PTK2: variants seen among roughly 807,000 people sequenced by gnomAD.
PTK2 encodes the protein protein tyrosine kinase 2.
Under a neutral mutation model 150.1 loss-of-function variants are expected in PTK2, and 45 were observed. The ratio of observed to expected loss-of-function variants is 0.30; its 90% CI spans 0.24 to 0.38. PTK2 has a LOEUF of 0.38. Among genes scored for constraint, PTK2 ranks in the 10% least tolerant of loss-of-function variants. The pLI is 1.00. For missense variants in PTK2, 919 were observed against 1,307.3 expected (o/e 0.70, Z 4.58); for synonymous variants, 432 against 449.2 (o/e 0.96, Z 0.48).
At chr8:140,823,608 C>T (rs1764736388) in intron 8 of PTK2, among the ~76,000 whole-genome samples, 1 of 152,116 alleles carries the variant, frequency 6.6e-6, no homozygotes, top group Admixed American at 6.5e-5. Context: ...CCGACTGGAC[C>T]CTAACATATA....
chr8:140,745,200 G>A (rs552485706), intron 18 of PTK2, among the ~76,000 whole-genome samples: 9 of 152,266 alleles, frequency 5.9e-5, no homozygotes, highest in African/African-American at 1.2e-4. Context: ...AATGTAATGC[G>A]GAGAAAGCAG....
chr8:140,734,476 C>T (rs1199729878), intron 22 of PTK2, among the ~76,000 whole-genome samples: 3 of 152,118 alleles, frequency 2.0e-5, no homozygotes, highest in South Asian at 2.1e-4. Flanking sequence ...CAATGATGCC[C>T]GTCAAGAGCT....
chr8:140,802,924 T>G (rs1165126507), intron 11 of PTK2, among the ~76,000 whole-genome samples: 1 of 151,722 alleles, frequency 6.6e-6, no homozygotes, highest in Non-Finnish European at 1.5e-5. Context: ...TAGGCATTTC[T>G]CTGAACGTAC....
At chr8:140,834,706 G>A (rs2100117649) in intron 7 of PTK2, among the ~76,000 whole-genome samples, 1 of 152,110 alleles carries the variant, frequency 6.6e-6, no homozygotes, top group Non-Finnish European at 1.5e-5. Flanking sequence ...AGTGTGAAAG[G>A]TACTATAAGA....
In PTK2 at chr8:140,913,345, G is replaced by C. The variant is rs192514431; in HGVS notation, c.-33+12316C>G. ...GAGTCTCACTCTGTTGCCCAGGCTG[G>C]AGTGCAATGGTGCAATCTTTGCTCA... On this transcript the variant is annotated intron_variant, in intron 2 of 31. Coordinates refer to ENST00000522684, the Ensembl canonical transcript of PTK2. Among the ~76,000 whole-genome samples, 877 of 150,530 alleles carry C rather than the reference G, an allele frequency of 5.8e-3. 13 individuals are homozygous for C. The highest frequency in any genetic ancestry group is 0.02 in the African/African-American group (801 of 40,744).
intron 2 of PTK2, among the ~76,000 whole-genome samples, chr8:140,908,552 G>GC (rs2100161861): frequency 6.6e-6 from 1 of 152,210 alleles, no homozygotes; most frequent in Non-Finnish European, 1.5e-5. Context: ...CAGAGGACAG[G>GC]CTGTCTCTCA....
intron 1 of PTK2, among the ~76,000 whole-genome samples, chr8:140,953,342 A>G (rs1004970575): frequency 6.6e-6 from 1 of 152,230 alleles, no homozygotes; most frequent in Non-Finnish European, 1.5e-5. Context: ...TAGAACAATT[A>G]TAACAATATG....
intron 3 of PTK2, 48 bp from the exon 4 acceptor site, chr8:140,879,685 A>AAAAAAAAAAAAAAAAAAC (rs1357240200): frequency 1.6e-6 from 2 of 1,260,128 alleles, no homozygotes; most frequent in Non-Finnish European, 2.0e-6. Flanking sequence ...TGAAAAAAAA[A>AAAAAAAAAAAAAAAAAAC]AAAAAAAAAA....
chr8:140,782,831 G>A (rs1426251426), intron 14 of PTK2, among the ~76,000 whole-genome samples: 1 of 152,076 alleles, frequency 6.6e-6, no homozygotes, highest in Non-Finnish European at 1.5e-5. Flanking sequence ...TTGGAACTGA[G>A]TCAGCACTAT....
chr8:140,988,449 G>A (rs2100194204), intron 1 of PTK2, among the ~76,000 whole-genome samples: 1 of 152,166 alleles, frequency 6.6e-6, no homozygotes, highest in Non-Finnish European at 1.5e-5. Flanking sequence ...CACCCACATG[G>A]CTGGGCATGG....
intron 20 of PTK2, among the ~76,000 whole-genome samples, chr8:140,741,168 T>A (rs182676334): frequency 3.1e-4 from 42 of 135,206 alleles, no homozygotes; most frequent in African/African-American, 1.1e-3. Flanking sequence ...TTTAAAAAAT[T>A]AGGCCAGGCG....
intron 1 of PTK2, among the ~76,000 whole-genome samples, chr8:140,952,271 G>A (rs1335837352): frequency 6.6e-6 from 1 of 152,154 alleles, no homozygotes; most frequent in Non-Finnish European, 1.5e-5. Context: ...CAAATAAACA[G>A]AATGCACTGT....
intron 26 of PTK2, among the ~76,000 whole-genome samples, chr8:140,690,291 G>A (rs745941921): frequency 1.6e-4 from 25 of 152,122 alleles, no homozygotes; most frequent in Admixed American, 2.0e-4. Flanking sequence ...TTGATCTGCC[G>A]CCCAGGTCAG....
chr8:140,691,196 G>A (rs1004848684), intron 26 of PTK2, among the ~76,000 whole-genome samples: 4 of 147,030 alleles, frequency 2.7e-5, no homozygotes, highest in Admixed American at 6.8e-5. Context: ...GAGATGGTTG[G>A]GGGTGGGGGG....
intron 1 of PTK2, among the ~76,000 whole-genome samples, chr8:140,935,417 A>G (rs2100173266): frequency 6.6e-6 from 1 of 152,156 alleles, no homozygotes; most frequent in East Asian, 1.9e-4. Context: ...GAGAGCATAA[A>G]TAACACCTAG....
At chr8:140,847,165 T>A (rs985063604) in intron 5 of PTK2, among the ~76,000 whole-genome samples, 1 of 152,196 alleles carries the variant, frequency 6.6e-6, no homozygotes, top group Non-Finnish European at 1.5e-5. Context: ...TGCAGATGTA[T>A]TTTCTGACCT....
intron 7 of PTK2, among the ~76,000 whole-genome samples, chr8:140,836,076 G>T (rs955386705): frequency 4.0e-5 from 6 of 151,060 alleles, no homozygotes; most frequent in African/African-American, 1.5e-4. Context: ...ATAATTATCT[G>T]GTTTTTTTTT....
At chr8:140,916,257 A>G (rs945312979) in intron 2 of PTK2, among the ~76,000 whole-genome samples, 2 of 152,222 alleles carry the variant, frequency 1.3e-5, no homozygotes, top group African/African-American at 4.8e-5. Flanking sequence ...ATTAGGATAG[A>G]TCGGCAAACT....
chr8:140,749,231 C>T (rs2100061316), intron 17 of PTK2, among the ~76,000 whole-genome samples: 1 of 152,136 alleles, frequency 6.6e-6, no homozygotes, highest in South Asian at 2.1e-4. Flanking sequence ...TTAAATCTCA[C>T]CTTGTCACAT....
Sources: allele counts gnomAD v4.1 joint callset (sites outside exome capture counted in the v4.1 genomes callset), GRCh38; gene constraint gnomAD v4.1.1; transcripts MANE v1.5; gene names NCBI Gene and HGNC (gene_info 2026-07-23, HGNC 2026-07-21).